SORBS2: variants seen among roughly 807,000 people sequenced by gnomAD.
The protein encoded by SORBS2 is sorbin and SH3 domain containing 2.
SORBS2 carries 46 observed loss-of-function variants against 97.7 expected under a neutral mutation model. The observed-to-expected ratio is 0.47, with a 90% CI of 0.37 to 0.60. SORBS2 has a LOEUF of 0.60. Among genes scored for constraint, SORBS2 ranks in the 20% least tolerant of loss-of-function variants. The pLI is 0.00. For synonymous variants in SORBS2, 476 were observed against 473.4 expected, an observed-to-expected ratio of 1.01 and a Z score of -0.07; for missense variants, 1,316 against 1,282.3, an observed-to-expected ratio of 1.03 and a Z score of -0.40.
chr4:185,787,174 A>G (rs1164382299), intron 1 of SORBS2, among the ~76,000 whole-genome samples: 1 of 152,148 alleles, frequency 6.6e-6, no homozygotes, highest in Non-Finnish European at 1.5e-5. Flanking sequence ...TCCTTTAAAA[A>G]CAAAATACAA....
At chr4:185,661,738 CA>C (rs902681638), upstream of SORBS2, among the ~76,000 whole-genome samples, 1 of 152,184 alleles carries the variant, frequency 6.6e-6, no homozygotes, top group African/African-American at 2.4e-5. Flanking sequence ...ATATAGACCC[CA>C]GGAAATAGTC....
intron 2 of SORBS2, among the ~76,000 whole-genome samples, chr4:185,721,493 C>A (rs550518786): frequency 4.6e-5 from 7 of 152,312 alleles, no homozygotes; most frequent in African/African-American, 1.7e-4. Context: ...GGTAGCAGAA[C>A]TGGAGCCCCT....
rs376748157 is a variant in SORBS2, at chr4:185,876,641, CT to C, written c.-338+79554del. Among the ~76,000 whole-genome samples the C allele has an allele frequency of 2.6e-3, 393 of 152,270 alleles. 1 individual carries two copies. Among genetic ancestry groups the C allele is most frequent in the African/African-American group, 8.0e-3 (331 of 41,542 alleles). On this transcript the variant is annotated intron_variant, in intron 1 of 20. Transcript: ENST00000284776. ...TAAGAGAAAAGTTACCACTGGTGAGCTTTTGGATTTACCTCCATGTCTGAAT... is the reference window on the plus strand; with the variant it reads ...TAAGAGAAAAGTTACCACTGGTGAGCTTTGGATTTACCTCCATGTCTGAAT...
chr4:185,809,455 CAAAAAAA>C (rs55713465), intron 1 of SORBS2, among the ~76,000 whole-genome samples: 251 of 47,288 alleles, frequency 5.3e-3, no homozygotes, highest in African/African-American at 0.02. Context: ...ACTGCATTTG[CAAAAAAA>C]AAAAAAAAAA....
chr4:185,693,142 G>A (rs2098124175), intron 2 of SORBS2, among the ~76,000 whole-genome samples: 1 of 152,100 alleles, frequency 6.6e-6, no homozygotes, highest in South Asian at 2.1e-4. Context: ...GCATTTCATA[G>A]GCCAACAGAC....
At chr4:185,849,398 C>T (rs752203665) in intron 1 of SORBS2, among the ~76,000 whole-genome samples, 20 of 151,730 alleles carry the variant, frequency 1.3e-4, no homozygotes, top group Admixed American at 3.9e-4. Context: ...TCTGTCCAAT[C>T]GACAGATAAA....
At chr4:185,673,779 C>A (rs1449420519) in intron 4 of SORBS2, among the ~76,000 whole-genome samples, 1 of 152,206 alleles carries the variant, frequency 6.6e-6, no homozygotes, top group East Asian at 1.9e-4. Flanking sequence ...CTCATACCCA[C>A]TCCAAGAAAG....
chr4:185,800,523 G>A (rs545841393), intron 1 of SORBS2, among the ~76,000 whole-genome samples: 6 of 152,124 alleles, frequency 3.9e-5, no homozygotes, highest in South Asian at 2.1e-4. Flanking sequence ...GGCTGTCCTC[G>A]GTCCCTGGGC....
chr4:185,868,147 C>CTTTTTTTT (rs372271322), intron 1 of SORBS2, among the ~76,000 whole-genome samples: 3 of 89,766 alleles, frequency 3.3e-5, no homozygotes, highest in Non-Finnish European at 6.6e-5. Flanking sequence ...CTTTTCTTTT[C>CTTTTTTTT]TTTTTTTCTT....
rs1233066300 is a variant in SORBS2, at chr4:185,684,389, C to T, written c.-197-5567G>A. The stretch of plus-strand genomic sequence containing the variant: ...AAAACTAATGTTCTATCATTCTGTT[C>T]ACAACCTTTGACAAAGAATCCAGTT... On this transcript the variant is annotated intron_variant, in intron 2 of 20. Coordinates refer to the SORBS2 transcript ENST00000284776. The surrounding 1 kb of genome is among the most constrained non-coding windows in gnomAD (Gnocchi z 4.2). Among the ~76,000 whole-genome samples, 1 of 152,168 alleles carries T rather than the reference C, an allele frequency of 6.6e-6. No homozygotes were observed. Among genetic ancestry groups the T allele is most frequent in the Admixed American group, 6.5e-5 (1 of 15,276 alleles).
chr4:185,914,785 C>T lies in SORBS2; in HGVS notation c.-338+41411G>A, dbSNP rs200346874. 4.6e-5 allele frequency among the ~76,000 whole-genome samples: 7 copies of T among 152,372 alleles called. No homozygotes were observed. In the East Asian group the frequency reaches 1.4e-3, roughly 29 times the overall value. On this transcript the variant is annotated intron_variant, in intron 1 of 20. Transcript: ENST00000284776. ...TCCCTGCACGGCCCTTGCCCTCTTC[C>T]TGTCTCGGCATCTTTATCTAACCTC...
At chr4:185,624,062 A>G (rs746173034) in exon 7 of SORBS2, 2 of 1,614,078 alleles carry the variant, frequency 1.2e-6, no homozygotes, top group Non-Finnish European at 1.7e-6. Context: ...TTTCTTGTAC[A>G]TCTTCAGGAA....
rs1373149650 is a variant in SORBS2, at chr4:185,765,579, C to T, written c.-198+9648G>A. On this transcript the variant is annotated intron_variant, in intron 2 of 20. Transcript: ENST00000284776. ...TAAAAATTATCACTTTGATTTCAGA[C>T]AAGTTTTTACAAGCTGTGGTTATTA... 3.3e-5 allele frequency among the ~76,000 whole-genome samples: 5 copies of T among 152,244 alleles called. No individual in the cohort carries two copies. In the South Asian group the frequency reaches 8.3e-4, roughly 25 times the overall value.
intron 2 of SORBS2, among the ~76,000 whole-genome samples, chr4:185,681,366 C>T (rs1236534343): frequency 6.7e-6 from 1 of 149,166 alleles, no homozygotes; most frequent in Non-Finnish European, 1.5e-5. Context: ...TAGAAAGTAT[C>T]ATGGATCCAC....
chr4:185,879,266 G>T (rs550464560), intron 1 of SORBS2, among the ~76,000 whole-genome samples: 1 of 147,810 alleles, frequency 6.8e-6, no homozygotes, highest in Non-Finnish European at 1.5e-5. Context: ...GAGAACATGC[G>T]GTGTTTGGTT....
intron 1 of SORBS2, among the ~76,000 whole-genome samples, chr4:185,821,160 C>T (rs1424088190): frequency 6.6e-6 from 1 of 152,148 alleles, no homozygotes; most frequent in Non-Finnish European, 1.5e-5. Context: ...TGAACCGTCC[C>T]GCGCCTCACC....
chr4:185,950,807 C>T (rs762293534), intron 1 of SORBS2, among the ~76,000 whole-genome samples: 5 of 152,158 alleles, frequency 3.3e-5, no homozygotes, highest in Admixed American at 6.5e-5. Context: ...ATGGCCTGCA[C>T]GGCGGATATC....
intron 1 of SORBS2, among the ~76,000 whole-genome samples, chr4:185,853,133 C>T (rs1192561320): frequency 6.6e-6 from 1 of 152,112 alleles, no homozygotes; most frequent in South Asian, 2.1e-4. Flanking sequence ...CTTCTCAGTG[C>T]CATCCTTAAC....
chr4:185,629,382 C>T (rs1358528990), intron 5 of SORBS2, among the ~76,000 whole-genome samples: 1 of 151,786 alleles, frequency 6.6e-6, no homozygotes, highest in Non-Finnish European at 1.5e-5. Context: ...GATGTTATTG[C>T]AGTTGGATGG....
Sources: gnomAD v4.1 joint callset for allele counts (sites outside exome capture counted in the v4.1 genomes callset) on GRCh38, gnomAD v4.1.1 for gene constraint, Gnocchi (gnomAD v3.1) non-coding constraint, MANE v1.5 for transcripts, NCBI Gene and HGNC (gene_info 2026-07-23, HGNC 2026-07-21) for gene names.